Variants in ZNF354C observed in about 807,000 individuals in gnomAD.
ZNF354C encodes KRAB-zinc finger protein synten.
Under a neutral mutation model 12.4 loss-of-function variants are expected in ZNF354C, and 7 were observed. The ratio of observed to expected loss-of-function variants is 0.56; its 90% CI spans 0.32 to 1.06. The LOEUF (loss-of-function observed/expected upper bound fraction) is 1.06. ZNF354C is among the 50% of genes least tolerant of loss of function. The pLI is 0.04. For synonymous variants in ZNF354C, 202 were observed against 224.5 expected (o/e 0.90, Z 0.90); for missense variants, 609 against 658.0 (o/e 0.93, Z 0.81).
At position 179,079,079 on chromosome 5, in the gene ZNF354C, A is replaced by C; in HGVS notation, c.647A>C (p.His216Pro). 1 of 1,613,888 alleles carries C rather than the reference A, an allele frequency of 6.2e-7. No homozygotes were observed. The highest frequency in any genetic ancestry group is 8.5e-7 in the Non-Finnish European group (1 of 1,179,992). ...CFQIYPGGKPHICNECGKSFK... is the reference protein window; with the variant it reads ...CFQIYPGGKPPICNECGKSFK... ...CAGATTTACCCAGGAGGAAAACCTC[A>C]CATCTGTAATGAATGTGGGAAGAGC... is the stretch of plus-strand genomic sequence containing the variant. The change falls in exon 5 of 5, where the codon CAC (histidine) becomes CCC (proline). Residue 216 changes from histidine to proline, a missense_variant. His to Pro is a moderately conservative substitution (Grantham distance 77). Transcript: ENST00000315475. This position sits in a 1 kb window ranked among gnomAD's most constrained non-coding sequence, Gnocchi z 4.2.
In ZNF354C at chr5:179,076,452, T is replaced by C. The variant is rs1350002471; in HGVS notation, c.35T>C (p.Val12Ala). The C allele has an allele frequency of 6.2e-7, 1 of 1,614,044 alleles. No homozygotes were observed. Among genetic ancestry groups the C allele is most frequent in the African/African-American group, 1.3e-5 (1 of 74,916 alleles). Residue 12 changes from valine (V) to alanine (A), a missense_variant, in exon 3 of 5, where the codon GTG (valine) becomes GCG (alanine). Coordinates refer to ENST00000315475, the MANE Select transcript of ZNF354C (RefSeq NM_014594.3). ...AVDLLSAQEP[V>A]TFRDVAVFFS... ...ATGGGTTTGCCATTACAGGAGCCTG[T>C]GACATTCAGGGATGTGGCCGTGTTC...
In ZNF354C at chr5:179,076,612, C is replaced by T. The variant is rs190395462; in HGVS notation, c.154+41C>T. 5.3e-4 allele frequency: 853 copies of T among 1,608,032 alleles called. 3 individuals carry two copies. Among genetic ancestry groups the T allele is most frequent in the Non-Finnish European group, 6.7e-4 (786 of 1,176,596 alleles). ...TATGACGAAGAATCTGTTATAGGAA[C>T]GCCTCACAGGTCCATCTTTGGGGTT... On this transcript the variant is annotated intron_variant, in intron 3 of 4. Transcript: ENST00000315475.
At chr5:179,061,975 C>T (rs550713925) in intron 1 of ZNF354C, 40 bp from the exon 2 acceptor site, 6 of 1,426,206 alleles carry the variant, frequency 4.2e-6, no homozygotes, top group Admixed American at 3.3e-5. Flanking sequence ...AAGCCATCTC[C>T]TGACGCCAGG....
chr5:179,069,694 T>TTA (rs1287992143), intron 2 of ZNF354C, among the ~76,000 whole-genome samples: 1 of 148,162 alleles, frequency 6.7e-6, no homozygotes, highest in Admixed American at 6.9e-5. Context: ...CGAAACCCCG[T>TTA]CTCTACTAAA....
chr5:179,077,197 G>GA (rs201517860), intron 4 of ZNF354C, 31 bp downstream of exon 4: 3 of 1,577,638 alleles, frequency 1.9e-6, no homozygotes, highest in South Asian at 1.1e-5. Context: ...TGGGCACAAG[G>GA]GGTTCTTTAT....
chr5:179,062,066 G>C lies in ZNF354C; in HGVS notation c.-3G>C, dbSNP rs2113103956. 6.2e-7 allele frequency: 1 copy of C among 1,614,170 alleles called. No individual in the cohort carries two copies. Among genetic ancestry groups the C allele is most frequent in the South Asian group, 1.1e-5 (1 of 91,068 alleles). ...CCTGGGCAGGAAGACTGAGGAGGAAGGGATGGCTGTGGATCTGCTGTCTGC... is the reference window on the plus strand; with the variant it reads ...CCTGGGCAGGAAGACTGAGGAGGAACGGATGGCTGTGGATCTGCTGTCTGC... On this transcript the variant is annotated 5_prime_UTR_variant, in exon 2 of 5. Coordinates refer to ENST00000315475, the MANE Select transcript of ZNF354C (RefSeq NM_014594.3).
chr5:179,069,637 G>A (rs940894756), intron 2 of ZNF354C, among the ~76,000 whole-genome samples: 1 of 151,178 alleles, frequency 6.6e-6, no homozygotes, highest in Non-Finnish European at 1.5e-5. Context: ...AGGCCGAGGC[G>A]GGTGGCTCAC....
intron 2 of ZNF354C, among the ~76,000 whole-genome samples, chr5:179,064,386 A>G (rs980180819): frequency 6.0e-5 from 9 of 150,004 alleles, no homozygotes; most frequent in Non-Finnish European, 1.3e-4. Flanking sequence ...GCTGGATTAT[A>G]GGTGTGAGCA....
At position 179,079,845 on chromosome 5, in the gene ZNF354C, T is replaced by G. The variant is rs1276613316; in HGVS notation, c.1413T>G (p.Asn471Lys). The G allele has an allele frequency of 6.2e-7, 1 of 1,614,074 alleles. No homozygotes were observed. Among genetic ancestry groups the G allele is most frequent in the East Asian group, 2.2e-5 (1 of 44,870 alleles). ...CTGGAGAGAAACCGTATCAGTGTAA[T>G]CAGTGTGGAAAGGCCTTCAGCCAGT... ...IHTGEKPYQCNQCGKAFSQYS... is the reference protein window; with the variant it reads ...IHTGEKPYQCKQCGKAFSQYS... Residue 471 changes from asparagine to lysine, a missense_variant, in exon 5 of 5, where the codon AAT (asparagine) becomes AAG (lysine). Asn to Lys is a moderately conservative substitution (Grantham distance 94). Coordinates refer to ENST00000315475, the MANE Select transcript of ZNF354C (RefSeq NM_014594.3). This position sits in a 1 kb window ranked among gnomAD's most constrained non-coding sequence, Gnocchi z 4.2.
rs1220724138 is a variant in ZNF354C, at chr5:179,078,952, G to A, written c.520G>A (p.Ala174Thr). 1.2e-6 allele frequency: 2 copies of A among 1,614,072 alleles called. No individual in the cohort carries two copies. Among genetic ancestry groups the A allele is most frequent in the Admixed American group, 3.3e-5 (2 of 60,024 alleles). Residue 174 changes from alanine to threonine, a missense_variant, in exon 5 of 5, where the codon GCT becomes ACT. By Grantham distance (58) the Ala-to-Thr change is moderately conservative. Transcript: ENST00000315475. The stretch of plus-strand genomic sequence containing the variant: ...GGGGAAAAGCTTATTTACAAATACA[G>A]CTCTTGTCACACAACAGAGTGTTCC... ...ELGKSLFTNT[A>T]LVTQQSVPIE...
At position 179,062,047 on chromosome 5, in the gene ZNF354C, C is replaced by T. The variant is rs1446208001; in HGVS notation, c.-22C>T. 3 of 1,614,026 alleles carry T rather than the reference C, an allele frequency of 1.9e-6. 1 individual carries two copies. The Admixed American group carries it at 5.0e-5, about 27-fold the overall frequency. ...GTGTCCACACTCTGCTCTCCCTGGG[C>T]AGGAAGACTGAGGAGGAAGGGATGG... is the stretch of plus-strand genomic sequence containing the variant. On this transcript the variant is annotated 5_prime_UTR_variant, in exon 2 of 5. Coordinates refer to ENST00000315475, the MANE Select transcript of ZNF354C (RefSeq NM_014594.3).
rs1762185853 is a variant in ZNF354C, at chr5:179,079,370, C to T, written c.938C>T (p.Ser313Leu). 4 of 1,614,110 alleles carry T rather than the reference C, an allele frequency of 2.5e-6. No homozygotes were observed. The highest frequency in any genetic ancestry group is 3.4e-6 in the Non-Finnish European group (4 of 1,180,024). The change falls in exon 5 of 5, where the codon TCA becomes TTA. Residue 313 changes from serine to leucine, a missense_variant. Transcript: ENST00000315475. This position sits in a 1 kb window ranked among gnomAD's most constrained non-coding sequence, Gnocchi z 4.2. ...TGTGGTAAAGCCTTTAGCCAGTGTT[C>T]AACCCTCACTGTACATCAGAGAATT... ...RECGKAFSQC[S>L]TLTVHQRIHT...
chr5:179,067,099 T>C (rs2411988), intron 2 of ZNF354C, among the ~76,000 whole-genome samples: 44,205 of 152,118 alleles, frequency 0.29, 7,401 homozygotes, highest in South Asian at 0.42. Flanking sequence ...TCACAGTTTC[T>C]CTGGGTTAGG....
chr5:179,070,575 T>C (rs928557849), intron 2 of ZNF354C, among the ~76,000 whole-genome samples: 2 of 152,184 alleles, frequency 1.3e-5, no homozygotes, highest in African/African-American at 4.8e-5. Flanking sequence ...TCTGTGACTA[T>C]CAGTTTCCCT....
In ZNF354C at chr5:179,079,135, C is replaced by G. The variant is rs866576151; in HGVS notation, c.703C>G (p.Gln235Glu). 6.2e-7 allele frequency: 1 copy of G among 1,613,832 alleles called. No individual in the cohort carries two copies. Among genetic ancestry groups the G allele is most frequent in the East Asian group, 2.2e-5 (1 of 44,870 alleles). ...FKQNLHLIEH[Q>E]RIHTGEKPYK... ...GCAGAATCTGCATCTTATTGAACAT[C>G]AGAGAATTCATACAGGTGAGAAACC... is the stretch of plus-strand genomic sequence containing the variant. Residue 235 changes from glutamine to glutamate, a missense_variant, in exon 5 of 5, where the codon CAG becomes GAG. Physicochemically the swap from Gln to Glu is conservative, Grantham distance 29. Coordinates refer to ENST00000315475, the MANE Select transcript of ZNF354C (RefSeq NM_014594.3). The surrounding 1 kb of genome is among the most constrained non-coding windows in gnomAD (Gnocchi z 4.2).
Position 179,082,893 on chromosome 5 carries a change from C to T in ZNF354C, c.*2796C>T, listed in dbSNP as rs1762248326. ...ATTCCAGGCACTGCACTTGCCAGTG[C>T]GCTGATGAAGAATCACGGAGAACTC... On this transcript the variant is annotated 3_prime_UTR_variant, in exon 5 of 5. Coordinates refer to ENST00000315475, the MANE Select transcript of ZNF354C (RefSeq NM_014594.3). The T allele has an allele frequency of 9.7e-6, 10 of 1,030,516 alleles. No homozygotes were observed. The highest frequency in any genetic ancestry group is 1.3e-5 in the South Asian group (1 of 77,668). The allele number at this position is 1,030,516 out of a possible 1,614,324, so 63.8% of individuals were successfully genotyped here.
chr5:179,076,597 A>G, intron 3 of ZNF354C, 26 bp downstream of exon 3: 1 of 1,613,022 alleles, frequency 6.2e-7, no homozygotes, highest in Non-Finnish European at 8.5e-7. Flanking sequence ...TATGACGAAG[A>G]ATCTGTTATA....
At chr5:179,073,965 G>A (rs1762080855) in intron 2 of ZNF354C, among the ~76,000 whole-genome samples, 1 of 151,780 alleles carries the variant, frequency 6.6e-6, no homozygotes, top group Non-Finnish European at 1.5e-5. Context: ...CCATCAGCTT[G>A]TGTAAGTTTT....
At chr5:179,071,951 T>C (rs1025301506) in intron 2 of ZNF354C, among the ~76,000 whole-genome samples, 7 of 152,134 alleles carry the variant, frequency 4.6e-5, no homozygotes, top group Admixed American at 1.3e-4. Flanking sequence ...AACTACCTGC[T>C]TAAAAAAGTC....
Sources: gnomAD v4.1 joint callset for allele counts (sites outside exome capture counted in the v4.1 genomes callset) on GRCh38, gnomAD v4.1.1 for gene constraint, Gnocchi (gnomAD v3.1) non-coding constraint, MANE v1.5 for transcripts, NCBI Gene and HGNC (gene_info 2026-07-23, HGNC 2026-07-21) for gene names.